HPD: variants seen among roughly 807,000 people sequenced by gnomAD.
The protein encoded by HPD is 4-hydroxyphenylpyruvic acid oxidase.
HPD carries 35 observed loss-of-function variants against 56.9 expected under a neutral mutation model. That is an observed-to-expected ratio of 0.62 (90% CI 0.47 to 0.82). The LOEUF (loss-of-function observed/expected upper bound fraction) is 0.82. Ranked by LOEUF, HPD falls within the 40% of genes least tolerant of loss-of-function variation. The probability of loss-of-function intolerance (pLI) is 0.00; values close to 1 mark genes in which losing one functional copy is unlikely to be tolerated. For synonymous variants in HPD, 186 were observed against 200.2 expected (o/e 0.93, Z 0.60); for missense variants, 442 against 506.8 (o/e 0.87, Z 1.23).
In HPD at chr12:121,849,946, G is replaced by T. The variant is rs148219678; in HGVS notation, c.415-156C>A. On this transcript the variant is annotated intron_variant, in intron 7 of 13. Coordinates refer to ENST00000289004, the MANE Select transcript of HPD (RefSeq NM_002150.3). ...GTAAGTCACTTCTCCTTTCTGAAAT[G>T]AATTGCAATCTGTCACTTGTTTGAG... 1.2e-5 allele frequency: 8 copies of T among 670,290 alleles called. No homozygotes were observed. The East Asian group carries it at 2.2e-4, about 19-fold the overall frequency. 41.5% of individuals were successfully genotyped at this position (670,290 alleles called of 1,614,324 possible).
At position 121,851,904 on chromosome 12, in the gene HPD, T is replaced by A. The variant is rs1306839407; in HGVS notation, c.415-2114A>T. On this transcript the variant is annotated intron_variant, in intron 7 of 13. Coordinates refer to ENST00000289004, the MANE Select transcript of HPD (RefSeq NM_002150.3). Reference sequence around the variant, plus strand: ...TTTTGTATTTTTTTTTTTTTTTTTTTAGTAGAGACGGGGTTTCACCGTGTT... The same window carrying A: ...TTTTGTATTTTTTTTTTTTTTTTTTAAGTAGAGACGGGGTTTCACCGTGTT... 4.6e-3 allele frequency among the ~76,000 whole-genome samples: 136 copies of A among 29,554 alleles called. 3 individuals carry two copies. The highest frequency in any genetic ancestry group is 0.01 in the Admixed American group (37 of 3,634). The allele number at this position is 29,554 out of a possible 152,430, so 19.4% of individuals were successfully genotyped here. A position where few individuals can be genotyped will look rare whatever the true frequency, so the allele number is the denominator to read the frequency against.
chr12:121,866,418 C>A (rs1424514739), upstream of HPD, among the ~76,000 whole-genome samples: 6 of 148,566 alleles, frequency 4.0e-5, no homozygotes, highest in Admixed American at 6.7e-5. Flanking sequence ...ATATAAGTTA[C>A]CATTTGTGTA....
the HPD span, among the ~76,000 whole-genome samples, chr12:121,873,492 T>G: frequency 1.3e-5 from 2 of 152,200 alleles, no homozygotes; most frequent in Non-Finnish European, 2.9e-5. Flanking sequence ...CAGTCCAGCC[T>G]CCTCTGCTTC....
the HPD span, among the ~76,000 whole-genome samples, chr12:121,878,696 C>T: frequency 6.9e-6 from 1 of 144,044 alleles, no homozygotes; most frequent in Non-Finnish European, 1.5e-5. Context: ...TTTTTTGAGA[C>T]AGGTTCTCAC....
upstream of HPD, among the ~76,000 whole-genome samples, chr12:121,859,502 C>T (rs114316775): frequency 1.9e-3 from 286 of 152,266 alleles, 2 homozygotes; most frequent in African/African-American, 6.8e-3. Flanking sequence ...GGTCAGCAAG[C>T]GGCAGGGAAG....
intron 9 of HPD, 89 bp from the exon 10 acceptor site, chr12:121,847,303 G>A: frequency 1.6e-6 from 2 of 1,253,104 alleles, no homozygotes; most frequent in South Asian, 1.2e-5. Flanking sequence ...ATCTGTCCCT[G>A]AGCAGGCTCC....
At chr12:121,841,554 G>T (rs1877407862) in intron 12 of HPD, among the ~76,000 whole-genome samples, 1 of 152,136 alleles carries the variant, frequency 6.6e-6, no homozygotes, top group Non-Finnish European at 1.5e-5. Context: ...TAAACAATGT[G>T]TGTCTATCTA....
chr12:121,857,413 C>T lies in HPD; in HGVS notation c.113G>A (p.Ser38Asn), dbSNP rs1024839055. Residue 38 changes from serine (S) to asparagine (N), a missense_variant, in exon 4 of 14, where the codon AGC becomes AAC. Coordinates refer to ENST00000289004, the MANE Select transcript of HPD (RefSeq NM_002150.3). ...GGCTAGAGGTTCAAAGCCCATCTTG[C>T]TGCAGTAGAATGACGTGGCCTGAAT... ...NAKQATSFYC[S>N]KMGFEPLAYR... 6.2e-7 allele frequency: 1 copy of T among 1,613,520 alleles called. No individual in the cohort carries two copies. The highest frequency in any genetic ancestry group is 1.3e-5 in the African/African-American group (1 of 74,908).
chr12:121,866,906 G>A (rs914749204), upstream of HPD, among the ~76,000 whole-genome samples: 4 of 151,864 alleles, frequency 2.6e-5, no homozygotes, highest in African/African-American at 4.8e-5. Context: ...ATCCACCCTC[G>A]CTGTGCACCT....
At chr12:121,877,934 CT>C in the HPD span, among the ~76,000 whole-genome samples, 1 of 152,100 alleles carries the variant, frequency 6.6e-6, no homozygotes, top group Non-Finnish European at 1.5e-5. Context: ...TGAAGATTGT[CT>C]TGTTTTGAAT....
Position 121,847,109 on chromosome 12 carries a change from C to G in HPD, c.702G>C (p.Glu234Asp). ...GCTCATTGATGGGCATCTTGATGGACTCTTCATAGTTGGCCACCACAATGG... is the reference window on the plus strand; with the variant it reads ...GCTCATTGATGGGCATCTTGATGGAGTCTTCATAGTTGGCCACCACAATGG... ...LRSIVVANYE[E>D]SIKMPINEPA... is the part of the protein sequence containing the mutation. The change falls in exon 10 of 14, where the codon GAG (glutamate) becomes GAC (aspartate). Residue 234 changes from glutamate to aspartate, a missense_variant. Transcript: ENST00000289004. 5.0e-6 allele frequency: 8 copies of G among 1,614,182 alleles called. No homozygotes were observed. Among genetic ancestry groups the G allele is most frequent in the Non-Finnish European group, 6.8e-6 (8 of 1,180,020 alleles).
intron 11 of HPD, among the ~76,000 whole-genome samples, chr12:121,844,173 C>T (rs1877498712): frequency 6.6e-6 from 1 of 152,112 alleles, no homozygotes; most frequent in Non-Finnish European, 1.5e-5. Flanking sequence ...CTTCAGCCTC[C>T]TGAGTAGCTG....
At chr12:121,861,916 G>C (rs1463135032), upstream of HPD, among the ~76,000 whole-genome samples, 1 of 152,100 alleles carries the variant, frequency 6.6e-6, no homozygotes, top group African/African-American at 2.4e-5. Context: ...GCTCTGCAAG[G>C]GGACGGTTGC....
At chr12:121,855,910 C>T (rs931961078) in intron 6 of HPD, among the ~76,000 whole-genome samples, 9 of 126,416 alleles carry the variant, frequency 7.1e-5, no homozygotes, top group East Asian at 5.2e-4. Context: ...GCAGAAGTTG[C>T]GGTGAGCCGA....
At chr12:121,856,187 A>G (rs903751634) in intron 6 of HPD, 137 bp downstream of exon 6, 59 of 745,932 alleles carry the variant, frequency 7.9e-5, no homozygotes, top group South Asian at 1.7e-4. Flanking sequence ...ACTGTGATGC[A>G]GCATCTGAGC....
chr12:121,853,895 C>A (rs1053655172), intron 7 of HPD, among the ~76,000 whole-genome samples: 1 of 151,012 alleles, frequency 6.6e-6, no homozygotes, highest in African/African-American at 2.4e-5. Context: ...TGAGATCACG[C>A]GACTGCACTC....
the HPD span, among the ~76,000 whole-genome samples, chr12:121,888,184 C>A: frequency 6.6e-6 from 1 of 152,152 alleles, no homozygotes; most frequent in Non-Finnish European, 1.5e-5. Context: ...GAGGCCTTAA[C>A]AGGAACATCC....
upstream of HPD, chr12:121,859,073 G>C (rs893026899): frequency 1.6e-5 from 9 of 570,510 alleles, no homozygotes; most frequent in East Asian, 3.0e-5. Flanking sequence ...GGCAGAGTCA[G>C]GGCCAGAAGC....
intron 4 of HPD, 44 bp from the exon 5 acceptor site, chr12:121,856,669 G>C (rs543011175): frequency 1.2e-5 from 19 of 1,590,488 alleles, no homozygotes; most frequent in Non-Finnish European, 1.6e-5. Flanking sequence ...GCTCAGGGGG[G>C]CATGGGGAGG....
Sources: gnomAD v4.1 joint callset for allele counts (sites outside exome capture counted in the v4.1 genomes callset) on GRCh38, gnomAD v4.1.1 for gene constraint, MANE v1.5 for transcripts, NCBI Gene and HGNC (gene_info 2026-07-23, HGNC 2026-07-21) for gene names.